The following NREP variants were observed in gnomAD, a reference collection of about 807,000 sequenced individuals.
The protein encoded by NREP is neuronal regeneration related protein.
In NREP, 5 loss-of-function variants were observed where a neutral mutation model predicts 8.6. The observed-to-expected ratio is 0.58, with a 90% CI of 0.30 to 1.22. The LOEUF is 1.22. Ranked by LOEUF, NREP falls within the 50% of genes most tolerant of loss-of-function variation. The probability of loss-of-function intolerance (pLI) is 0.07; values close to 1 mark genes in which losing one functional copy is unlikely to be tolerated. For synonymous variants in NREP, 27 were observed against 28.0 expected (o/e 0.96, Z 0.11); for missense variants, 86 against 82.5 (o/e 1.04, Z -0.17).
chr5:111,918,382 AG>A (rs1235743920), intron 2 of NREP, among the ~76,000 whole-genome samples: 3 of 152,222 alleles, frequency 2.0e-5, no homozygotes, highest in African/African-American at 7.2e-5. Context: ...AAACCAGAAA[AG>A]CACCCGTATA....
intron 2 of NREP, among the ~76,000 whole-genome samples, chr5:111,850,751 A>C (rs899113149): frequency 1.3e-5 from 2 of 152,116 alleles, no homozygotes; most frequent in Non-Finnish European, 2.9e-5. Flanking sequence ...AGCTGTGACC[A>C]ATTTCGTAAA....
intron 2 of NREP, among the ~76,000 whole-genome samples, chr5:111,795,254 C>T (rs905746961): frequency 3.3e-5 from 5 of 152,090 alleles, no homozygotes; most frequent in Non-Finnish European, 4.4e-5. Context: ...AAAATGTCAG[C>T]GGCTAGGGAG....
At chr5:111,972,384 CTG>C (rs1756845312) in intron 2 of NREP, among the ~76,000 whole-genome samples, 1 of 152,168 alleles carries the variant, frequency 6.6e-6, no homozygotes, top group African/African-American at 2.4e-5. Flanking sequence ...ATTTCTACGT[CTG>C]TGGATATTTG....
rs571252142 is a variant in NREP, at chr5:111,798,734, GGTGTGTGTGTGTGTGTGT to G, written c.136-63245_136-63228del. On this transcript the variant is annotated intron_variant, in intron 2 of 3. Coordinates refer to the NREP transcript ENST00000395634. ...TTTTTATGGCTGAGTAGTATTCCAT[GGTGTGTGTGTGTGTGTGT>G]GTGTGTGTGTGTGTGTGTGTGTGTA... is the stretch of plus-strand genomic sequence containing the variant. 1.4e-3 allele frequency among the ~76,000 whole-genome samples: 192 copies of G among 135,698 alleles called. 2 individuals are homozygous for G. Among genetic ancestry groups the G allele is most frequent in the African/African-American group, 5.1e-3 (183 of 35,636 alleles). The allele number at this position is 135,698 out of a possible 152,430, so 89.0% of individuals were successfully genotyped here.
chr5:111,839,836 A>G (rs1481526011), intron 2 of NREP, among the ~76,000 whole-genome samples: 1 of 152,058 alleles, frequency 6.6e-6, no homozygotes, highest in African/African-American at 2.4e-5. Context: ...AAGCCCTTTC[A>G]CATATATTTA....
chr5:111,900,350 T>C (rs1318037666), intron 2 of NREP, among the ~76,000 whole-genome samples: 1 of 151,440 alleles, frequency 6.6e-6, no homozygotes, highest in Non-Finnish European at 1.5e-5. Flanking sequence ...AAATAAACAG[T>C]CTAAAGATGC....
intron 2 of NREP, chr5:111,738,310 C>T (rs185094473): frequency 1.1e-4 from 17 of 152,300 alleles, no homozygotes; most frequent in Admixed American, 2.0e-4. Flanking sequence ...TCAGACCTGA[C>T]CTTTGGTATT....
chr5:111,946,455 A>C (rs1455165782), intron 2 of NREP, among the ~76,000 whole-genome samples: 1 of 152,056 alleles, frequency 6.6e-6, no homozygotes, highest in Admixed American at 6.6e-5. Context: ...ACAAAACCAG[A>C]AAATACAAAG....
At chr5:111,859,577 G>A (rs2112479414) in intron 2 of NREP, among the ~76,000 whole-genome samples, 1 of 152,184 alleles carries the variant, frequency 6.6e-6, no homozygotes, top group East Asian at 1.9e-4. Flanking sequence ...GTCTTAAAAT[G>A]GCAATGCTAA....
At chr5:111,840,574 A>C (rs996753529) in intron 2 of NREP, among the ~76,000 whole-genome samples, 1 of 152,116 alleles carries the variant, frequency 6.6e-6, no homozygotes, top group East Asian at 1.9e-4. Flanking sequence ...TGAATGTTTA[A>C]GTGACATCCC....
chr5:111,975,237 A>G (rs371622151), intron 2 of NREP: 186 of 1,474,102 alleles, frequency 1.3e-4, no homozygotes, highest in Non-Finnish European at 2.6e-5. Context: ...AACTAGCTTA[A>G]CAAACACGAG....
At chr5:111,749,923 T>C (rs142483977) in intron 2 of NREP, among the ~76,000 whole-genome samples, 26 of 152,260 alleles carry the variant, frequency 1.7e-4, no homozygotes, top group Non-Finnish European at 2.1e-4. Flanking sequence ...AGCAATAAAG[T>C]AAGCTGTACC....
intron 2 of NREP, among the ~76,000 whole-genome samples, chr5:111,743,960 CT>C (rs1749840027): frequency 6.6e-6 from 1 of 152,062 alleles, no homozygotes; most frequent in Non-Finnish European, 1.5e-5. Flanking sequence ...AATACGATTT[CT>C]TTTGTTAAAG....
intron 2 of NREP, among the ~76,000 whole-genome samples, chr5:111,967,437 C>G (rs1756675455): frequency 6.6e-6 from 1 of 152,206 alleles, no homozygotes; most frequent in Non-Finnish European, 1.5e-5. Flanking sequence ...TTCATTCCCT[C>G]TCACCTAAAG....
rs368075820 is a variant in NREP at position 111,808,160 on chromosome 5, A to G, written c.136-72653T>C. 3.3e-4 allele frequency among the ~76,000 whole-genome samples: 51 copies of G among 152,344 alleles called. No homozygotes were observed. The South Asian group carries it at 0.01, about 31-fold the overall frequency. On this transcript the variant is annotated intron_variant, in intron 2 of 3. Coordinates refer to the NREP transcript ENST00000395634. The stretch of plus-strand genomic sequence containing the variant: ...AACTTGTACTTATCTATAAGAATGC[A>G]CAAAGATTTATACCCAAGAATGTGT...
intron 2 of NREP, among the ~76,000 whole-genome samples, chr5:111,894,246 T>C (rs1754457661): frequency 6.6e-6 from 1 of 151,940 alleles, no homozygotes; most frequent in Non-Finnish European, 1.5e-5. Flanking sequence ...TAATAATTAA[T>C]AATAAATTTT....
At chr5:111,817,599 A>C (rs2112920704) in intron 2 of NREP, among the ~76,000 whole-genome samples, 1 of 152,068 alleles carries the variant, frequency 6.6e-6, no homozygotes, top group South Asian at 2.1e-4. Flanking sequence ...AGGTCAGGAG[A>C]TCGAGACCAT....
rs148695185 is a variant in NREP at position 111,791,525 on chromosome 5, C to G, written c.136-56018G>C. ...ACAGGGTCTCACTCTGTCACCCAGG[C>G]TGGAGTGCAGTGGTGACATGTCAGC... On this transcript the variant is annotated intron_variant, in intron 2 of 3. Coordinates refer to the NREP transcript ENST00000395634. Among the ~76,000 whole-genome samples the G allele has an allele frequency of 8.0e-3, 1,215 of 152,268 alleles. 19 individuals carry two copies. Among genetic ancestry groups the G allele is most frequent in the African/African-American group, 0.028 (1,172 of 41,548 alleles).
intron 2 of NREP, among the ~76,000 whole-genome samples, chr5:111,798,425 G>A (rs1353466606): frequency 1.3e-5 from 2 of 151,984 alleles, no homozygotes; most frequent in African/African-American, 4.8e-5. Context: ...GGTTACATAA[G>A]TTCTTTAGTG....
Sources: gnomAD v4.1 joint callset for allele counts (sites outside exome capture counted in the v4.1 genomes callset) on GRCh38, gnomAD v4.1.1 for gene constraint, MANE v1.5 for transcripts, NCBI Gene and HGNC (gene_info 2026-07-23, HGNC 2026-07-21) for gene names.